MAP4K5: variants seen among roughly 807,000 people sequenced by gnomAD.
MAP4K5 encodes MAPK/ERK kinase kinase kinase 5.
Under a neutral mutation model 135.6 loss-of-function variants are expected in MAP4K5, and 82 were observed. That is an observed-to-expected ratio of 0.60 (90% CI 0.51 to 0.73). The LOEUF is 0.73. Among genes scored for constraint, MAP4K5 ranks in the 30% least tolerant of loss-of-function variants. The pLI is 0.00. For synonymous variants in MAP4K5, 347 were observed against 335.0 expected (o/e 1.04, Z -0.39); for missense variants, 907 against 1,010.9 (o/e 0.90, Z 1.39).
At chr14:50,476,826 CA>C (rs1327424331) in intron 6 of MAP4K5, among the ~76,000 whole-genome samples, 1 of 152,178 alleles carries the variant, frequency 6.6e-6, no homozygotes, top group Non-Finnish European at 1.5e-5. Context: ...ATCAAGATAT[CA>C]AATATATTAA....
chr14:50,427,908 G>GA (rs1265549301), intron 30 of MAP4K5, among the ~76,000 whole-genome samples: 3 of 152,124 alleles, frequency 2.0e-5, no homozygotes, highest in African/African-American at 7.2e-5. Context: ...ACACCACCCA[G>GA]AATCTTACAT....
intron 10 of MAP4K5, chr14:50,468,349 C>T: frequency 4.0e-6 from 1 of 246,966 alleles, no homozygotes; most frequent in Non-Finnish European, 7.7e-6. Context: ...AGACAATTTA[C>T]TCTTATGTTG....
chr14:50,428,077 A>G (rs1384701422), intron 30 of MAP4K5, among the ~76,000 whole-genome samples: 1 of 152,248 alleles, frequency 6.6e-6, no homozygotes, highest in Non-Finnish European at 1.5e-5. Context: ...TCAGGAAACA[A>G]TAAAAGATTT....
At chr14:50,424,395 C>T (rs957675075) in intron 31 of MAP4K5, among the ~76,000 whole-genome samples, 2 of 151,724 alleles carry the variant, frequency 1.3e-5, no homozygotes, top group African/African-American at 4.8e-5. Context: ...AGAACATAAA[C>T]TGAAAAAAAG....
At chr14:50,507,773 T>A (rs1303081392) in intron 2 of MAP4K5, among the ~76,000 whole-genome samples, 1 of 152,170 alleles carries the variant, frequency 6.6e-6, no homozygotes, top group African/African-American at 2.4e-5. Flanking sequence ...TCCAACTATG[T>A]GGTCAGTTTT....
At chr14:50,436,721 G>A (rs1301256694) in intron 26 of MAP4K5, among the ~76,000 whole-genome samples, 2 of 152,092 alleles carry the variant, frequency 1.3e-5, no homozygotes, top group Non-Finnish European at 2.9e-5. Flanking sequence ...GCTTGTGGTT[G>A]GCAGTGGTTG....
chr14:50,453,661 C>T (rs2139767394), intron 14 of MAP4K5, among the ~76,000 whole-genome samples: 1 of 152,176 alleles, frequency 6.6e-6, no homozygotes, highest in Admixed American at 6.6e-5. Context: ...CTGAACACAA[C>T]ACTTCAAAAA....
chr14:50,488,116 G>A (rs1235765987), intron 3 of MAP4K5, among the ~76,000 whole-genome samples: 2 of 152,142 alleles, frequency 1.3e-5, no homozygotes, highest in East Asian at 3.8e-4. Context: ...TGGCTTGGGA[G>A]GCCTCAGGAA....
intron 13 of MAP4K5, among the ~76,000 whole-genome samples, chr14:50,458,955 C>T (rs1006251423): frequency 6.6e-6 from 1 of 152,020 alleles, no homozygotes; most frequent in Non-Finnish European, 1.5e-5. Context: ...ACTACAGGAA[C>T]CCACCACCAA....
Position 50,419,950 on chromosome 14 carries a change from G to T in MAP4K5, c.*69C>A, listed in dbSNP as rs1447484965. 3 of 1,079,826 alleles carry T rather than the reference G, an allele frequency of 2.8e-6. No individual in the cohort carries two copies. Among genetic ancestry groups the T allele is most frequent in the Non-Finnish European group, 4.2e-6 (3 of 715,448 alleles). 66.9% of individuals were successfully genotyped at this position (1,079,826 alleles called of 1,614,324 possible). A position where few individuals can be genotyped will look rare whatever the true frequency, so the allele number is the denominator to read the frequency against. On this transcript the variant is annotated 3_prime_UTR_variant, in exon 33 of 33. Coordinates refer to ENST00000682126, the MANE Select transcript of MAP4K5 (RefSeq NM_006575.6). The stretch of plus-strand genomic sequence containing the variant: ...AGCAAATCATAGTGCAGTTTGTATT[G>T]AATTTCCTTATTTTTCCTTTCAATG...
At chr14:50,472,159 T>TAAAAAAAAA (rs60203442) in intron 9 of MAP4K5, 1 of 108,322 alleles carries the variant, frequency 9.2e-6, no homozygotes. Flanking sequence ...TCTATGAAGG[T>TAAAAAAAAA]AAAAAAAAAA....
intron 28 of MAP4K5, 122 bp from the exon 29 acceptor site, chr14:50,429,382 T>C (rs2035921242): frequency 5.0e-6 from 3 of 605,316 alleles, no homozygotes; most frequent in Admixed American, 3.2e-5. Context: ...ACAGAATTTA[T>C]ATTTTGTGAT....
chr14:50,529,900 A>T (rs2038349825), intron 2 of MAP4K5, among the ~76,000 whole-genome samples: 1 of 152,170 alleles, frequency 6.6e-6, no homozygotes, highest in East Asian at 1.9e-4. Flanking sequence ...GATGAGGCTG[A>T]GAAATAAGAG....
chr14:50,537,455 TCCTACTGAGGTACTG>T (rs1376601905), upstream of MAP4K5, among the ~76,000 whole-genome samples: 1 of 152,148 alleles, frequency 6.6e-6, no homozygotes, highest in East Asian at 1.9e-4. Flanking sequence ...CAGACAGAGT[TCCTACTGAGGTACTG>T]CCTAGTGGAG....
At chr14:50,462,554 C>G in intron 13 of MAP4K5, 111 bp downstream of exon 13, 1 of 705,804 alleles carries the variant, frequency 1.4e-6, no homozygotes, top group Non-Finnish European at 2.5e-6. Context: ...TGTAGCTAAA[C>G]CTGTTTTAAC....
At chr14:50,453,666 C>T (rs2139767430) in intron 14 of MAP4K5, among the ~76,000 whole-genome samples, 1 of 152,252 alleles carries the variant, frequency 6.6e-6, no homozygotes, top group East Asian at 1.9e-4. Context: ...CACAACACTT[C>T]AAAAAGTTTC....
intron 28 of MAP4K5, among the ~76,000 whole-genome samples, chr14:50,433,051 G>A (rs563178158): frequency 1.1e-4 from 17 of 152,096 alleles, no homozygotes; most frequent in African/African-American, 2.2e-4. Context: ...TGGTCAGGCC[G>A]GTCTCGAACT....
chr14:50,484,155 GA>G (rs1454595607), intron 5 of MAP4K5, among the ~76,000 whole-genome samples: 1 of 151,936 alleles, frequency 6.6e-6, no homozygotes, highest in Non-Finnish European at 1.5e-5. Flanking sequence ...TAAAATCATA[GA>G]AAAAAATTAA....
intron 5 of MAP4K5, among the ~76,000 whole-genome samples, chr14:50,483,689 T>C (rs1204343715): frequency 2.2e-5 from 3 of 135,098 alleles, no homozygotes; most frequent in Middle Eastern, 3.4e-3. Flanking sequence ...AAAATAAAAT[T>C]AATGTTTCAA....
Sources: gnomAD v4.1 joint callset for allele counts (sites outside exome capture counted in the v4.1 genomes callset) on GRCh38, gnomAD v4.1.1 for gene constraint, MANE v1.5 for transcripts, NCBI Gene and HGNC (gene_info 2026-07-23, HGNC 2026-07-21) for gene names.